The following SLC25A26 variants were observed in gnomAD, a reference collection of about 807,000 sequenced individuals.
The protein encoded by SLC25A26 is mitochondrial S-adenosylmethionine carrier protein.
A neutral mutation model predicts 37.8 loss-of-function variants in SLC25A26; 36 were observed. The ratio of observed to expected loss-of-function variants is 0.95; its 90% CI spans 0.73 to 1.26. The LOEUF is 1.26. SLC25A26 is among the 50% of genes most tolerant of loss of function. The pLI, the probability that SLC25A26 is intolerant of heterozygous loss-of-function variation, is 0.00. For missense variants in SLC25A26, 390 were observed against 331.1 expected, an observed-to-expected ratio of 1.18 and a Z score of -1.38; for synonymous variants, 129 against 122.5, an observed-to-expected ratio of 1.05 and a Z score of -0.35.
chr3:66,186,137 G>A (rs1406713956), intron 1 of SLC25A26, among the ~76,000 whole-genome samples: 2 of 151,680 alleles, frequency 1.3e-5, no homozygotes, highest in Non-Finnish European at 2.9e-5. Flanking sequence ...CTGGCCACCC[G>A]ATACTTACTC....
intron 5 of SLC25A26, among the ~76,000 whole-genome samples, chr3:66,292,792 AGTG>A (rs1349560346): frequency 2.0e-5 from 3 of 152,028 alleles, no homozygotes; most frequent in Non-Finnish European, 4.4e-5. Context: ...GGAGTATCTT[AGTG>A]GTGTTCTCTG....
intron 1 of SLC25A26, among the ~76,000 whole-genome samples, chr3:66,209,644 C>T (rs1409913750): frequency 9.4e-6 from 1 of 106,382 alleles, no homozygotes; most frequent in Non-Finnish European, 2.1e-5. Context: ...TATATATATA[C>T]CTTTTATAGA....
intron 5 of SLC25A26, among the ~76,000 whole-genome samples, chr3:66,318,434 G>A (rs905323227): frequency 1.3e-5 from 2 of 152,072 alleles, no homozygotes; most frequent in Admixed American, 6.6e-5. Flanking sequence ...CTTTCCCCCT[G>A]CCGCCTTGTG....
chr3:66,352,428 G>GTTTTTTTTTTTTTTT (rs1242977476), intron 6 of SLC25A26, among the ~76,000 whole-genome samples: 1 of 126,686 alleles, frequency 7.9e-6, no homozygotes, highest in African/African-American at 3.4e-5. Flanking sequence ...CTCGTTTTTT[G>GTTTTTTTTTTTTTTT]TTTTTTGTTT....
At chr3:66,208,198 T>A (rs1292413768) in intron 1 of SLC25A26, among the ~76,000 whole-genome samples, 4 of 152,222 alleles carry the variant, frequency 2.6e-5, no homozygotes, top group African/African-American at 9.6e-5. Flanking sequence ...CCTATTTTAC[T>A]TCTGCAAGCA....
intron 1 of SLC25A26, among the ~76,000 whole-genome samples, chr3:66,222,095 C>G (rs186984341): frequency 6.6e-6 from 1 of 151,876 alleles, no homozygotes; most frequent in Non-Finnish European, 1.5e-5. Context: ...ATGTCTTAGC[C>G]AGACTTGTAG....
chr3:66,355,663 C>T (rs1254861804), intron 6 of SLC25A26, among the ~76,000 whole-genome samples: 1 of 152,170 alleles, frequency 6.6e-6, no homozygotes, highest in Non-Finnish European at 1.5e-5. Flanking sequence ...GAGTACTTCA[C>T]AGAGAGATGG....
chr3:66,230,123 C>A (rs555843983), intron 1 of SLC25A26, among the ~76,000 whole-genome samples: 20 of 152,296 alleles, frequency 1.3e-4, no homozygotes, highest in African/African-American at 4.6e-4. Context: ...ATCTCATCAT[C>A]CCACGTTTCT....
intron 9 of SLC25A26, among the ~76,000 whole-genome samples, chr3:66,373,158 G>A (rs1700444785): frequency 6.6e-6 from 1 of 152,146 alleles, no homozygotes; most frequent in South Asian, 2.1e-4. Context: ...TCATCAGCTG[G>A]CTTTCTGTTT....
chr3:66,207,387 A>G (rs1281865776), intron 1 of SLC25A26, among the ~76,000 whole-genome samples: 1 of 152,162 alleles, frequency 6.6e-6, no homozygotes, highest in African/African-American at 2.4e-5. Context: ...CCATCCACAT[A>G]TATCTTAATC....
At chr3:66,214,741 ATTTAT>A (rs1366683329) in intron 1 of SLC25A26, among the ~76,000 whole-genome samples, 3 of 152,248 alleles carry the variant, frequency 2.0e-5, no homozygotes, top group African/African-American at 4.8e-5. Context: ...TCCCTGTCAA[ATTTAT>A]TTTAATTTTA....
chr3:66,287,044 C>T (rs959097520), intron 5 of SLC25A26, among the ~76,000 whole-genome samples: 16 of 152,098 alleles, frequency 1.1e-4, no homozygotes, highest in Non-Finnish European at 1.9e-4. Flanking sequence ...CGCCTGCAAT[C>T]CCAGTGCTTT....
chr3:66,302,862 C>T (rs1158013947), intron 5 of SLC25A26, among the ~76,000 whole-genome samples: 2 of 152,104 alleles, frequency 1.3e-5, no homozygotes, highest in East Asian at 3.9e-4. Context: ...TGTAAGGGAG[C>T]ACAGGTGGTG....
intron 1 of SLC25A26, among the ~76,000 whole-genome samples, chr3:66,173,139 G>A (rs139757641): frequency 1.2e-3 from 181 of 152,208 alleles, no homozygotes; most frequent in Middle Eastern, 3.4e-3. Context: ...CTCCATAATC[G>A]GAAAGATGCA....
At chr3:66,300,572 T>G (rs1559674477) in intron 5 of SLC25A26, among the ~76,000 whole-genome samples, 1 of 152,206 alleles carries the variant, frequency 6.6e-6, no homozygotes, top group Non-Finnish European at 1.5e-5. Context: ...TGCTCGTTTT[T>G]TGTTTTTAAG....
chr3:66,208,870 G>GTGTGTA (rs1364331517), intron 1 of SLC25A26, among the ~76,000 whole-genome samples: 1 of 55,888 alleles, frequency 1.8e-5, no homozygotes, highest in South Asian at 1.2e-3. Context: ...ATGGGTGTGT[G>GTGTGTA]TATATATATA....
intron 1 of SLC25A26, among the ~76,000 whole-genome samples, chr3:66,137,150 G>A (rs535253009): frequency 6.6e-6 from 1 of 151,380 alleles, no homozygotes; most frequent in Non-Finnish European, 1.5e-5. Context: ...AGGATGCCAT[G>A]AGAAATCACC....
intron 3 of SLC25A26, among the ~76,000 whole-genome samples, chr3:66,253,791 G>T (rs1280724945): frequency 2.0e-5 from 3 of 152,188 alleles, no homozygotes; most frequent in African/African-American, 7.2e-5. Context: ...TCAACGTTCA[G>T]ATTTTTGTAT....
At chr3:66,253,401 CAA>C (rs782156766) in intron 3 of SLC25A26, among the ~76,000 whole-genome samples, 13 of 100,712 alleles carry the variant, frequency 1.3e-4, no homozygotes, top group Non-Finnish European at 1.5e-4. Flanking sequence ...GACTCCATCT[CAA>C]AAAAAAAAAA....
Sources: allele counts gnomAD v4.1 joint callset (sites outside exome capture counted in the v4.1 genomes callset), GRCh38; gene constraint gnomAD v4.1.1; transcripts MANE v1.5; gene names NCBI Gene and HGNC (gene_info 2026-07-23, HGNC 2026-07-21).